ZDHHC14: variants seen among roughly 807,000 people sequenced by gnomAD.
ZDHHC14 encodes palmitoyltransferase ZDHHC14.
A neutral mutation model predicts 47.7 loss-of-function variants in ZDHHC14; 16 were observed. The ratio of observed to expected loss-of-function variants is 0.34; its 90% CI spans 0.23 to 0.51. The LOEUF is 0.51. Ranked by LOEUF, ZDHHC14 falls within the 20% of genes least tolerant of loss-of-function variation. ZDHHC14 has a pLI of 0.97. For missense variants in ZDHHC14, 515 were observed against 662.5 expected (o/e 0.78, Z 2.44); for synonymous variants, 293 against 278.9 (o/e 1.05, Z -0.50).
At chr6:157,558,291 G>A (rs1267759545) in intron 2 of ZDHHC14, among the ~76,000 whole-genome samples, 1 of 151,652 alleles carries the variant, frequency 6.6e-6, no homozygotes, top group African/African-American at 2.4e-5. Context: ...TGAGCCAGGT[G>A]ACATTCATGT....
At chr6:157,545,652 C>G (rs111267452) in intron 2 of ZDHHC14, among the ~76,000 whole-genome samples, 1 of 149,542 alleles carries the variant, frequency 6.7e-6, no homozygotes, top group Non-Finnish European at 1.5e-5. Flanking sequence ...CCAGCCTGGG[C>G]GACAGGGGAG....
At position 157,673,107 on chromosome 6, in the gene ZDHHC14, G is replaced by T. The variant is rs1191260565; in HGVS notation, c.1452G>T (p.Lys484Asn). The change falls in exon 9 of 9, where the codon AAG becomes AAT. Residue 484 changes from lysine to asparagine, a missense_variant. Coordinates refer to ENST00000359775, the MANE Select transcript of ZDHHC14 (RefSeq NM_024630.3). The surrounding 1 kb of genome is among the most constrained non-coding windows in gnomAD (Gnocchi z 5.4). ...AGGACTCTGTGCGCGGCCTGGTGAA[G>T]CTCAGCTCCGTGTGACCCACATGGC... Reference protein sequence around the residue: ...LHEDSVRGLVKLSSV With the variant: ...LHEDSVRGLVNLSSV 6.4e-7 allele frequency: 1 copy of T among 1,573,922 alleles called. No homozygotes were observed. The highest frequency in any genetic ancestry group is 8.6e-7 in the Non-Finnish European group (1 of 1,168,752).
chr6:157,567,174 G>T (rs536100421), intron 2 of ZDHHC14, among the ~76,000 whole-genome samples: 1 of 152,184 alleles, frequency 6.6e-6, no homozygotes, highest in Admixed American at 6.5e-5. Flanking sequence ...TTTATTACTT[G>T]TGACAAGTAA....
At chr6:157,619,678 T>C (rs146968186) in intron 3 of ZDHHC14, among the ~76,000 whole-genome samples, 92 of 151,792 alleles carry the variant, frequency 6.1e-4, no homozygotes, top group African/African-American at 2.1e-3. Flanking sequence ...ATTTTACTAA[T>C]TGGTTTTACA....
chr6:157,527,568 C>T (rs192111984), intron 1 of ZDHHC14, among the ~76,000 whole-genome samples: 1 of 152,288 alleles, frequency 6.6e-6, no homozygotes, highest in East Asian at 1.9e-4. Flanking sequence ...AAAAGCCTTC[C>T]AGAACTGCCC....
chr6:157,454,962 T>C (rs188597641), intron 1 of ZDHHC14, among the ~76,000 whole-genome samples: 1 of 152,350 alleles, frequency 6.6e-6, no homozygotes, highest in African/African-American at 2.4e-5. Context: ...TGAACAATGC[T>C]GTTGGTTACT....
intron 5 of ZDHHC14, among the ~76,000 whole-genome samples, chr6:157,639,727 G>A (rs551215536): frequency 5.6e-4 from 85 of 152,304 alleles, no homozygotes; most frequent in African/African-American, 8.4e-4. Context: ...AGTGGGATCC[G>A]TGCCTGGGGA....
chr6:157,642,120 C>G (rs890135348), intron 5 of ZDHHC14, among the ~76,000 whole-genome samples: 16 of 152,182 alleles, frequency 1.1e-4, no homozygotes, highest in Admixed American at 3.9e-4. Context: ...CAAGAATGCA[C>G]AAGCCCACAT....
chr6:157,540,933 T>TATATAA (rs1252700559), intron 1 of ZDHHC14, among the ~76,000 whole-genome samples: 5 of 143,440 alleles, frequency 3.5e-5, no homozygotes, highest in African/African-American at 1.4e-4. Flanking sequence ...TATATATATA[T>TATATAA]AATTTCATAC....
chr6:157,564,967 G>A (rs138538448), intron 2 of ZDHHC14, among the ~76,000 whole-genome samples: 7,743 of 152,212 alleles, frequency 0.051, 226 homozygotes, highest in Admixed American at 0.069. Flanking sequence ...TATTTGGGCC[G>A]GGCATGGTGG....
intron 1 of ZDHHC14, among the ~76,000 whole-genome samples, chr6:157,525,639 G>A (rs1182887053): frequency 6.6e-6 from 1 of 152,146 alleles, no homozygotes; most frequent in Non-Finnish European, 1.5e-5. Context: ...CAGCCCCCAG[G>A]CAAGGCGAGT....
At chr6:157,525,924 C>A (rs1379228545) in intron 1 of ZDHHC14, among the ~76,000 whole-genome samples, 1 of 152,188 alleles carries the variant, frequency 6.6e-6, no homozygotes, top group Non-Finnish European at 1.5e-5. Flanking sequence ...CCTATCCTGT[C>A]CTCTCCGCCG....
intron 1 of ZDHHC14, among the ~76,000 whole-genome samples, chr6:157,391,324 G>A (rs1432900133): frequency 1.3e-5 from 2 of 152,190 alleles, no homozygotes; most frequent in Non-Finnish European, 2.9e-5. Flanking sequence ...CTGTACAGCT[G>A]CTGTGCCCCA....
chr6:157,599,923 ACT>A (rs1179518838), intron 3 of ZDHHC14, among the ~76,000 whole-genome samples: 1 of 152,226 alleles, frequency 6.6e-6, no homozygotes, highest in East Asian at 1.9e-4. Flanking sequence ...CGTTGTGTTA[ACT>A]CTATGCCAAT....
chr6:157,671,064 A>G (rs1441955727), intron 8 of ZDHHC14, among the ~76,000 whole-genome samples: 1 of 152,210 alleles, frequency 6.6e-6, no homozygotes, highest in African/African-American at 2.4e-5. Flanking sequence ...CTGCAGGGGT[A>G]TGAGCAATGG....
At chr6:157,383,886 G>C (rs1777262835) in intron 1 of ZDHHC14, among the ~76,000 whole-genome samples, 1 of 152,204 alleles carries the variant, frequency 6.6e-6, no homozygotes. Context: ...CCCCCATTGA[G>C]AGCAGCCTCT....
chr6:157,534,803 C>G (rs1479409547), intron 1 of ZDHHC14, among the ~76,000 whole-genome samples: 1 of 151,828 alleles, frequency 6.6e-6, no homozygotes, highest in Non-Finnish European at 1.5e-5. Context: ...GTTGCCCAGG[C>G]TGGTCTCAAA....
chr6:157,564,834 GC>G (rs1782840177), intron 2 of ZDHHC14, among the ~76,000 whole-genome samples: 1 of 152,184 alleles, frequency 6.6e-6, no homozygotes, highest in Admixed American at 6.5e-5. Flanking sequence ...ATAGGTTTGG[GC>G]CTCTGACGGC....
intron 1 of ZDHHC14, among the ~76,000 whole-genome samples, chr6:157,443,057 A>G (rs925824693): frequency 6.6e-6 from 1 of 151,968 alleles, no homozygotes; most frequent in Non-Finnish European, 1.5e-5. Context: ...TGAATTGTAA[A>G]CCCCATATGT....
Sources: allele counts gnomAD v4.1 joint callset (sites outside exome capture counted in the v4.1 genomes callset), GRCh38; gene constraint gnomAD v4.1.1; non-coding constraint Gnocchi (gnomAD v3.1); transcripts MANE v1.5; gene names NCBI Gene and HGNC (gene_info 2026-07-23, HGNC 2026-07-21).